Variants in DNAI1 observed in about 807,000 individuals in gnomAD.
DNAI1 encodes dynein, axonemal, intermediate polypeptide 1.
DNAI1 carries 67 observed loss-of-function variants against 92.0 expected under a neutral mutation model. The ratio of observed to expected loss-of-function variants is 0.73; its 90% CI spans 0.60 to 0.89. The LOEUF is 0.89. Among genes scored for constraint, DNAI1 ranks in the 40% least tolerant of loss-of-function variants. The pLI, the probability that DNAI1 is intolerant of heterozygous loss-of-function variation, is 0.00. For missense variants in DNAI1, 839 were observed against 866.6 expected, an observed-to-expected ratio of 0.97 and a Z score of 0.40; for synonymous variants, 323 against 319.6, an observed-to-expected ratio of 1.01 and a Z score of -0.11.
chr9:34,513,237 A>G (rs111836601), intron 16 of DNAI1, 46 bp downstream of exon 16: 3 of 1,474,222 alleles, frequency 2.0e-6, no homozygotes, highest in African/African-American at 1.4e-5. Flanking sequence ...CTTAGACCTG[A>G]GCACCTGGGG....
intron 8 of DNAI1, among the ~76,000 whole-genome samples, chr9:34,491,919 C>CAAGTGTTAGCAAGAG (rs1564033675): frequency 1.3e-5 from 2 of 152,236 alleles, no homozygotes; most frequent in Non-Finnish European, 2.9e-5. Context: ...TGTTAGCACT[C>CAAGTGTTAGCAAGAG]TGACCCTGCC....
chr9:34,501,403 G>C (rs2132072681), intron 12 of DNAI1, among the ~76,000 whole-genome samples: 1 of 152,368 alleles, frequency 6.6e-6, no homozygotes, highest in Middle Eastern at 3.4e-3. Flanking sequence ...AGTTATTCTG[G>C]TGAAGAAAGA....
At chr9:34,485,582 A>G in intron 4 of DNAI1, 65 bp downstream of exon 4, 2 of 1,474,108 alleles carry the variant, frequency 1.4e-6, no homozygotes, top group South Asian at 2.3e-5. Flanking sequence ...GTGACTTGCT[A>G]CATTGCAAAA....
In DNAI1 at chr9:34,505,904, G is replaced by T. The variant is rs183595454; in HGVS notation, c.1064-723G>T. 2.1e-3 allele frequency among the ~76,000 whole-genome samples: 327 copies of T among 152,330 alleles called. 2 individuals are homozygous for T. The highest frequency in any genetic ancestry group is 7.1e-3 in the African/African-American group (295 of 41,578). ...GCGGAAGGGCTGGGACTATGTTCAT[G>T]ACTACATATCAGGATGGGCGCCAAG... On this transcript the variant is annotated intron_variant, in intron 12 of 19. Transcript: ENST00000242317.
chr9:34,461,406 G>A (rs185463543), intron 1 of DNAI1, among the ~76,000 whole-genome samples: 1 of 152,184 alleles, frequency 6.6e-6, no homozygotes, highest in Non-Finnish European at 1.5e-5. Context: ...TCAAGATATA[G>A]GATACTTTCT....
intron 1 of DNAI1, among the ~76,000 whole-genome samples, chr9:34,459,305 TCTTCA>T (rs1213956662): frequency 6.6e-6 from 1 of 152,260 alleles, no homozygotes; most frequent in Middle Eastern, 3.4e-3. Flanking sequence ...CATTCCCATC[TCTTCA>T]CTTCACTTTA....
intron 13 of DNAI1, among the ~76,000 whole-genome samples, chr9:34,510,108 A>T (rs1449420151): frequency 6.6e-6 from 1 of 152,166 alleles, no homozygotes; most frequent in Non-Finnish European, 1.5e-5. Flanking sequence ...ACTGTGTCAG[A>T]GATATATGGG....
intron 15 of DNAI1, 51 bp downstream of exon 15, chr9:34,512,475 C>A: frequency 6.6e-7 from 1 of 1,521,664 alleles, no homozygotes; most frequent in East Asian, 2.3e-5. Context: ...CATTCAGGCC[C>A]AGTGAGGGTC....
At chr9:34,520,609 GA>G (rs1262116461) in intron 19 of DNAI1, 48 bp from the exon 20 acceptor site, 10 of 1,516,782 alleles carry the variant, frequency 6.6e-6, no homozygotes, top group African/African-American at 1.4e-5. Context: ...GGGACCCAGA[GA>G]GGGGGGGCCC....
chr9:34,480,935 G>C (rs1219351903), intron 1 of DNAI1, among the ~76,000 whole-genome samples: 1 of 151,130 alleles, frequency 6.6e-6, no homozygotes, highest in Admixed American at 6.6e-5. Flanking sequence ...AACAGAGTAA[G>C]ACTATCTCAA....
chr9:34,474,229 C>T (rs929611842), intron 1 of DNAI1, among the ~76,000 whole-genome samples: 9 of 148,806 alleles, frequency 6.0e-5, no homozygotes, highest in Non-Finnish European at 1.2e-4. Context: ...GTGACTATTT[C>T]TTTTTTTTTT....
intron 1 of DNAI1, among the ~76,000 whole-genome samples, chr9:34,472,215 T>C (rs924510389): frequency 2.0e-5 from 3 of 152,228 alleles, no homozygotes; most frequent in African/African-American, 7.2e-5. Context: ...CATACATTAT[T>C]TTATTTTATA....
Position 34,485,125 on chromosome 9 carries a change from G to A in DNAI1, c.82-17G>A, listed in dbSNP as rs746826674. ...CAGAAAAGACACTCCCAAGCCTCATGTGAGGTTTTTGTCTAGGATGAAGAT... is the reference window on the plus strand; with the variant it reads ...CAGAAAAGACACTCCCAAGCCTCATATGAGGTTTTTGTCTAGGATGAAGAT... On this transcript the variant is annotated splice_polypyrimidine_tract_variant and intron_variant, in intron 2 of 19. Transcript: ENST00000242317. The A allele has an allele frequency of 6.2e-7, 1 of 1,613,798 alleles. No homozygotes were observed. The highest frequency in any genetic ancestry group is 8.5e-7 in the Non-Finnish European group (1 of 1,179,704).
chr9:34,515,557 C>G (rs1825156957), intron 18 of DNAI1, among the ~76,000 whole-genome samples: 1 of 152,188 alleles, frequency 6.6e-6, no homozygotes, highest in Non-Finnish European at 1.5e-5. Context: ...GGCAGCATTA[C>G]TCATAACAGT....
At chr9:34,468,933 TTA>T (rs370333008) in intron 1 of DNAI1, among the ~76,000 whole-genome samples, 1 of 152,146 alleles carries the variant, frequency 6.6e-6, no homozygotes, top group African/African-American at 2.4e-5. Context: ...ATGGAATATA[TTA>T]TATATGTATT....
At chr9:34,515,668 G>A (rs563407399) in intron 18 of DNAI1, among the ~76,000 whole-genome samples, 1 of 152,326 alleles carries the variant, frequency 6.6e-6, no homozygotes, top group Non-Finnish European at 1.5e-5. Flanking sequence ...ATGATGTGCT[G>A]ATACATGCTA....
At chr9:34,512,285 C>G (rs1825080402) in intron 14 of DNAI1, 52 bp from the exon 15 acceptor site, 5 of 1,611,296 alleles carry the variant, frequency 3.1e-6, no homozygotes, top group African/African-American at 1.3e-5. Context: ...CCTTGCTCAT[C>G]TAGCCCAACC....
At chr9:34,513,255 A>G (rs1479216649) in intron 16 of DNAI1, 64 bp downstream of exon 16, 4 of 1,213,838 alleles carry the variant, frequency 3.3e-6, no homozygotes, top group Non-Finnish European at 4.9e-6. Context: ...GGGAGCTTAG[A>G]GTTCTCAACA....
Position 34,500,984 on chromosome 9 carries a change from C to T in DNAI1, c.1019+145C>T, listed in dbSNP as rs1464766816. On this transcript the variant is annotated intron_variant, in intron 11 of 19. Coordinates refer to ENST00000242317, the MANE Select transcript of DNAI1 (RefSeq NM_012144.4). ...TGGAACTTGGATTCTTATGGGATCA[C>T]AAGACCACCCCCAGGACTCCCAAGT... The T allele has an allele frequency of 3.1e-6, 3 of 966,714 alleles. No homozygotes were observed. In the African/African-American group the frequency reaches 4.8e-5, roughly 16 times the overall value. The allele number at this position is 966,714 out of a possible 1,614,324, so 59.9% of individuals were successfully genotyped here.
Sources: allele counts gnomAD v4.1 joint callset (sites outside exome capture counted in the v4.1 genomes callset), GRCh38; gene constraint gnomAD v4.1.1; transcripts MANE v1.5; gene names NCBI Gene and HGNC (gene_info 2026-07-23, HGNC 2026-07-21).